The following RALYL variants were observed in gnomAD, a reference collection of about 807,000 sequenced individuals.
RALYL encodes RALY RNA binding protein like.
In RALYL, 29 loss-of-function variants were observed where a neutral mutation model predicts 35.1. The observed-to-expected ratio is 0.83, with a 90% CI of 0.61 to 1.13. The LOEUF (loss-of-function observed/expected upper bound fraction) is 1.13, where lower values mean the gene tolerates loss of function less well. RALYL is among the 50% of genes most tolerant of loss of function. The probability of loss-of-function intolerance (pLI) is 0.00; values close to 1 mark genes in which losing one functional copy is unlikely to be tolerated. For synonymous variants in RALYL, 120 were observed against 127.6 expected (o/e 0.94, Z 0.40); for missense variants, 359 against 360.4 (o/e 1.00, Z 0.03).
At chr8:84,781,713 G>A (rs1818211102) in intron 3 of RALYL, among the ~76,000 whole-genome samples, 1 of 152,080 alleles carries the variant, frequency 6.6e-6, no homozygotes, top group African/African-American at 2.4e-5. Flanking sequence ...TGAGGGAGGT[G>A]GGCAGGTAGG....
chr8:84,185,546 A>T (rs1812316299), intron 1 of RALYL, among the ~76,000 whole-genome samples: 1 of 151,938 alleles, frequency 6.6e-6, no homozygotes, highest in Non-Finnish European at 1.5e-5. Context: ...TCTGCTGGAA[A>T]TTTTTCTGTC....
chr8:84,235,204 AAATT>A (rs1422824383), intron 1 of RALYL, among the ~76,000 whole-genome samples: 1 of 152,218 alleles, frequency 6.6e-6, no homozygotes, highest in African/African-American at 2.4e-5. Context: ...TATAATGTGA[AAATT>A]AATTGACAAG....
chr8:84,711,242 A>T (rs1842137352), intron 2 of RALYL, among the ~76,000 whole-genome samples: 1 of 152,216 alleles, frequency 6.6e-6, no homozygotes, highest in African/African-American at 2.4e-5. Context: ...CAGACAACAG[A>T]TTTTAACTGA....
chr8:84,629,393 C>T (rs970708077), intron 2 of RALYL, among the ~76,000 whole-genome samples: 19 of 152,000 alleles, frequency 1.3e-4, no homozygotes, highest in Admixed American at 3.3e-4. Flanking sequence ...TATTCTGAGA[C>T]TTAGATACTA....
At chr8:84,890,046 C>T (rs1363991517) in intron 8 of RALYL, among the ~76,000 whole-genome samples, 2 of 152,222 alleles carry the variant, frequency 1.3e-5, no homozygotes, top group Non-Finnish European at 2.9e-5. Flanking sequence ...AACTATCTGT[C>T]AGATAATGCC....
At chr8:84,675,437 T>A (rs553861167) in intron 2 of RALYL, among the ~76,000 whole-genome samples, 1 of 152,256 alleles carries the variant, frequency 6.6e-6, no homozygotes, top group African/African-American at 2.4e-5. Flanking sequence ...GCGAACTGAA[T>A]GGAATAGACC....
At chr8:84,269,708 GTGTT>G (rs1833948009) in intron 1 of RALYL, among the ~76,000 whole-genome samples, 1 of 151,972 alleles carries the variant, frequency 6.6e-6, no homozygotes, top group African/African-American at 2.4e-5. Context: ...TCAACTCTGA[GTGTT>G]TGTGATATAA....
At chr8:84,628,285 C>T (rs1823185585) in intron 2 of RALYL, among the ~76,000 whole-genome samples, 1 of 152,016 alleles carries the variant, frequency 6.6e-6, no homozygotes, top group Non-Finnish European at 1.5e-5. Flanking sequence ...TTCTTAGTTT[C>T]CCTGGCTCTT....
At chr8:84,833,641 CAAAAA>C (rs548355814) in intron 4 of RALYL, among the ~76,000 whole-genome samples, 1 of 70,528 alleles carries the variant, frequency 1.4e-5, no homozygotes, top group Non-Finnish European at 3.5e-5. Context: ...GACTTCGTCT[CAAAAA>C]AAAAAAAAAA....
chr8:84,869,987 T>A (rs1839905144), intron 6 of RALYL, among the ~76,000 whole-genome samples: 1 of 152,152 alleles, frequency 6.6e-6, no homozygotes, highest in African/African-American at 2.4e-5. Flanking sequence ...AGAGAGCAGA[T>A]CTGAAATGAC....
chr8:84,706,196 C>T lies in RALYL; in HGVS notation c.257-68383C>T, dbSNP rs918817219. 8.9e-6 allele frequency: 7 copies of T among 785,044 alleles called. No homozygotes were observed. The African/African-American group carries it at 1.1e-4, about 12-fold the overall frequency. The allele number at this position is 785,044 out of a possible 1,614,324, so 48.6% of individuals were successfully genotyped here. A position where few individuals can be genotyped will look rare whatever the true frequency, so the allele number is the denominator to read the frequency against. ...ATACTGTAGCTTTTCTCACCCTAACCTTTATCTTTATTCCTGTAACATGCA... is the reference window on the plus strand; with the variant it reads ...ATACTGTAGCTTTTCTCACCCTAACTTTTATCTTTATTCCTGTAACATGCA... On this transcript the variant is annotated intron_variant, in intron 2 of 8. Coordinates refer to ENST00000521268, the MANE Select transcript of RALYL (RefSeq NM_173848.7).
At chr8:84,597,116 A>T (rs1475383212) in intron 2 of RALYL, among the ~76,000 whole-genome samples, 1 of 152,162 alleles carries the variant, frequency 6.6e-6, no homozygotes, top group Non-Finnish European at 1.5e-5. Flanking sequence ...TAAGACAGTG[A>T]AGTTTCTTCA....
chr8:84,672,943 G>A (rs1833543552), intron 2 of RALYL, among the ~76,000 whole-genome samples: 1 of 147,734 alleles, frequency 6.8e-6, no homozygotes, highest in South Asian at 2.2e-4. Context: ...AATCTGCAGA[G>A]AATCTACACT....
intron 1 of RALYL, among the ~76,000 whole-genome samples, chr8:84,366,870 G>C (rs1854414361): frequency 6.7e-6 from 1 of 150,242 alleles, no homozygotes; most frequent in South Asian, 2.1e-4. Context: ...GATAACAGCT[G>C]GATACTATTC....
chr8:84,550,664 T>C (rs1420708375), intron 2 of RALYL, among the ~76,000 whole-genome samples: 1 of 151,796 alleles, frequency 6.6e-6, no homozygotes, highest in African/African-American at 2.4e-5. Flanking sequence ...AACAGAAATA[T>C]GTTTGTCCTT....
intron 1 of RALYL, among the ~76,000 whole-genome samples, chr8:84,439,657 T>C (rs1041979227): frequency 2.6e-5 from 4 of 152,100 alleles, no homozygotes; most frequent in Non-Finnish European, 5.9e-5. Flanking sequence ...GTTTTTTTCA[T>C]ATATATGATT....
At chr8:84,489,912 CA>C (rs1313716114) in intron 1 of RALYL, among the ~76,000 whole-genome samples, 3 of 151,918 alleles carry the variant, frequency 2.0e-5, no homozygotes, top group Non-Finnish European at 4.4e-5. Context: ...TGTCAAGAAA[CA>C]GGCCGAATTA....
chr8:84,619,739 T>G (rs1588560121), intron 2 of RALYL, among the ~76,000 whole-genome samples: 2 of 151,776 alleles, frequency 1.3e-5, no homozygotes, highest in East Asian at 3.9e-4. Context: ...TGCCGGTTGT[T>G]CCTTTCCATG....
chr8:84,474,131 C>T (rs2053119007), intron 1 of RALYL, among the ~76,000 whole-genome samples: 1 of 152,014 alleles, frequency 6.6e-6, no homozygotes, highest in South Asian at 2.1e-4. Flanking sequence ...TTGCCAGTTT[C>T]ACCACTGTAG....
Sources: gnomAD v4.1 joint callset for allele counts (sites outside exome capture counted in the v4.1 genomes callset) on GRCh38, gnomAD v4.1.1 for gene constraint, MANE v1.5 for transcripts, NCBI Gene and HGNC (gene_info 2026-07-23, HGNC 2026-07-21) for gene names.